The following SLC22A23 variants were observed in gnomAD, a reference collection of about 807,000 sequenced individuals.
The protein encoded by SLC22A23 is ion transporter protein.
SLC22A23 carries 26 observed loss-of-function variants against 61.0 expected under a neutral mutation model. The observed-to-expected ratio is 0.43, with a 90% CI of 0.31 to 0.59. SLC22A23 has a LOEUF of 0.59. Ranked by LOEUF, SLC22A23 falls within the 20% of genes least tolerant of loss-of-function variation. SLC22A23 has a pLI of 0.11. For missense variants in SLC22A23, 796 were observed against 934.7 expected (o/e 0.85, Z 1.94); for synonymous variants, 430 against 413.9 (o/e 1.04, Z -0.47).
chr6:3,367,248 CA>C (rs1443426091), intron 3 of SLC22A23, among the ~76,000 whole-genome samples: 1 of 152,214 alleles, frequency 6.6e-6, no homozygotes, highest in Non-Finnish European at 1.5e-5. Context: ...ATTTCCAAAA[CA>C]GTCCAGAAAT....
At chr6:3,305,028 C>T (rs1215931414) in intron 4 of SLC22A23, among the ~76,000 whole-genome samples, 1 of 152,044 alleles carries the variant, frequency 6.6e-6, no homozygotes, top group East Asian at 1.9e-4. Context: ...GGGACAGGCT[C>T]CCCTTAGCTA....
rs576611578 is a variant in SLC22A23, at chr6:3,360,287, C to A, written c.914-36285G>T. Among the ~76,000 whole-genome samples, 2 of 152,158 alleles carry A rather than the reference C, an allele frequency of 1.3e-5. No individual in the cohort carries two copies. Among genetic ancestry groups the A allele is most frequent in the Non-Finnish European group, 2.9e-5 (2 of 68,024 alleles). On this transcript the variant is annotated intron_variant, in intron 3 of 9. Transcript: ENST00000406686. The surrounding 1 kb of genome is among the most constrained non-coding windows in gnomAD (Gnocchi z 4.6). ...CTATGTTTATTTTACCATGATAAAA[C>A]AAACACCCCCCTCCAAATAAAACAA...
chr6:3,286,751 CAGT>C lies in SLC22A23; in HGVS notation c.1546+105_1546+107del, dbSNP rs1760045603. The C allele has an allele frequency of 1.0e-6, 1 of 966,676 alleles. No individual in the cohort carries two copies. The highest frequency in any genetic ancestry group is 2.2e-5 in the Admixed American group (1 of 45,926). 59.9% of individuals were successfully genotyped at this position (966,676 alleles called of 1,614,324 possible). ...TTCTCCCCAAAGCAGCTCCTTCCAGCAGTAGATTTTAGAGTGGCCAGCGGAGTC... is the reference window on the plus strand; with the variant it reads ...TTCTCCCCAAAGCAGCTCCTTCCAGCAGATTTTAGAGTGGCCAGCGGAGTC... On this transcript the variant is annotated intron_variant, in intron 7 of 9. Coordinates refer to ENST00000406686, the MANE Select transcript of SLC22A23 (RefSeq NM_015482.2). This position sits in a 1 kb window ranked among gnomAD's most constrained non-coding sequence, Gnocchi z 4.2.
chr6:3,433,197 A>T (rs1014937405), intron 1 of SLC22A23, among the ~76,000 whole-genome samples: 1 of 152,240 alleles, frequency 6.6e-6, no homozygotes, highest in Non-Finnish European at 1.5e-5. Flanking sequence ...CTGCACGGAC[A>T]GGAGGAAACT....
At chr6:3,300,005 T>C (rs1039318626) in intron 4 of SLC22A23, among the ~76,000 whole-genome samples, 8,317 of 61,508 alleles carry the variant, frequency 0.14, 1,289 homozygotes, top group African/African-American at 0.39. Flanking sequence ...AGACTTTTTT[T>C]TTTTTTTTTT....
intron 4 of SLC22A23, chr6:3,312,582 C>G (rs1166992241): frequency 6.6e-6 from 1 of 152,198 alleles, no homozygotes; most frequent in Non-Finnish European, 1.5e-5. Context: ...CTGAGTGAGG[C>G]TGTCCCGGTC....
chr6:3,312,260 T>A (rs1410049361), intron 4 of SLC22A23: 1 of 152,222 alleles, frequency 6.6e-6, no homozygotes, highest in African/African-American at 2.4e-5. Context: ...ACCTTCCATG[T>A]GGCTGGGTTA....
At chr6:3,275,652 G>T (rs1325692445) in intron 9 of SLC22A23, among the ~76,000 whole-genome samples, 2 of 152,126 alleles carry the variant, frequency 1.3e-5, no homozygotes, top group Non-Finnish European at 2.9e-5. Flanking sequence ...GCATGATCTC[G>T]GCTCACTGCA....
chr6:3,279,722 C>A (rs1159150634), intron 9 of SLC22A23, among the ~76,000 whole-genome samples: 15 of 151,984 alleles, frequency 9.9e-5, no homozygotes, highest in East Asian at 5.8e-4. Flanking sequence ...CTGCTTTTCT[C>A]TGGGTTGTCA....
At chr6:3,439,212 C>T (rs1771424785) in intron 1 of SLC22A23, 3 of 374,138 alleles carry the variant, frequency 8.0e-6, no homozygotes, top group South Asian at 6.1e-5. Flanking sequence ...CAGTAGCACC[C>T]TCCCCCCATG....
At chr6:3,302,570 G>GC (rs1581652918) in intron 4 of SLC22A23, among the ~76,000 whole-genome samples, 1 of 152,148 alleles carries the variant, frequency 6.6e-6, no homozygotes, top group East Asian at 1.9e-4. Context: ...GGCATTTGTT[G>GC]CTATAAACTT....
At chr6:3,435,486 G>A (rs1771148751) in intron 1 of SLC22A23, among the ~76,000 whole-genome samples, 1 of 151,924 alleles carries the variant, frequency 6.6e-6, no homozygotes, top group South Asian at 2.1e-4. Flanking sequence ...CTTCCCTCTA[G>A]TACCTGCAGC....
chr6:3,376,778 T>G (rs1023660497), intron 3 of SLC22A23, among the ~76,000 whole-genome samples: 2 of 151,798 alleles, frequency 1.3e-5, no homozygotes, highest in Non-Finnish European at 2.9e-5. Context: ...AAGGCAAAAG[T>G]GAAGTAGGTC....
rs1361250588 is a variant in SLC22A23, at chr6:3,342,092, G to C, written c.914-18090C>G. Among the ~76,000 whole-genome samples, 3 of 152,046 alleles carry C rather than the reference G, an allele frequency of 2.0e-5. No homozygotes were observed. The highest frequency in any genetic ancestry group is 7.2e-5 in the African/African-American group (3 of 41,382). ...CTTCTTAATGAAAGCTGCTAGTTTAGGTTCAGCAGCTCCTAAACTAGCATT... is the reference window on the plus strand; with the variant it reads ...CTTCTTAATGAAAGCTGCTAGTTTACGTTCAGCAGCTCCTAAACTAGCATT... On this transcript the variant is annotated intron_variant, in intron 3 of 9. Coordinates refer to ENST00000406686, the MANE Select transcript of SLC22A23 (RefSeq NM_015482.2). This position sits in a 1 kb window ranked among gnomAD's most constrained non-coding sequence, Gnocchi z 4.0.
Position 3,410,449 on chromosome 6 carries a change from C to T in SLC22A23, c.759-107G>A. On this transcript the variant is annotated intron_variant, in intron 2 of 9. Coordinates refer to ENST00000406686, the MANE Select transcript of SLC22A23 (RefSeq NM_015482.2). This position sits in a 1 kb window ranked among gnomAD's most constrained non-coding sequence, Gnocchi z 5.0. ...GCACTCAATATATGTTGAATGAGTA[C>T]TGGGTAAAAAGTCCTGTGCCATCTA... is the stretch of plus-strand genomic sequence containing the variant. The T allele has an allele frequency of 8.1e-7, 1 of 1,238,620 alleles. No individual in the cohort carries two copies. The allele number at this position is 1,238,620 out of a possible 1,614,324, so 76.7% of individuals were successfully genotyped here. A position where few individuals can be genotyped will look rare whatever the true frequency, so the allele number is the denominator to read the frequency against.
intron 3 of SLC22A23, among the ~76,000 whole-genome samples, chr6:3,383,829 C>A (rs182407765): frequency 1.3e-5 from 2 of 152,238 alleles, no homozygotes; most frequent in African/African-American, 4.8e-5. Context: ...TCCTACTATG[C>A]GCCTGACCAG....
rs556887410 is a variant in SLC22A23 at position 3,414,455 on chromosome 6, G to A, written c.758+1297C>T. On this transcript the variant is annotated intron_variant, in intron 2 of 9. Transcript: ENST00000406686. This position sits in a 1 kb window ranked among gnomAD's most constrained non-coding sequence, Gnocchi z 5.1. ...TGCTGTCCACAGAGAACGTGTCCAT[G>A]AGAAGCACTTGCAAATCATGATGAG... 4.6e-5 allele frequency among the ~76,000 whole-genome samples: 7 copies of A among 152,262 alleles called. No individual in the cohort carries two copies. In the East Asian group the frequency reaches 1.4e-3, roughly 29 times the overall value.
intron 9 of SLC22A23, among the ~76,000 whole-genome samples, chr6:3,275,248 A>G (rs1235363586): frequency 2.0e-5 from 3 of 152,248 alleles, no homozygotes; most frequent in Non-Finnish European, 4.4e-5. Flanking sequence ...TGGTGCTGGG[A>G]CAACAGGATA....
At chr6:3,279,382 G>A (rs1435815929) in intron 9 of SLC22A23, among the ~76,000 whole-genome samples, 2 of 151,246 alleles carry the variant, frequency 1.3e-5, no homozygotes, top group Admixed American at 6.6e-5. Context: ...GTGGTGGCGC[G>A]TGCACGTAAT....
Sources: allele counts gnomAD v4.1 joint callset (sites outside exome capture counted in the v4.1 genomes callset), GRCh38; gene constraint gnomAD v4.1.1; non-coding constraint Gnocchi (gnomAD v3.1); transcripts MANE v1.5; gene names NCBI Gene and HGNC (gene_info 2026-07-23, HGNC 2026-07-21).